ESAM: variants seen among roughly 807,000 people sequenced by gnomAD.
ESAM encodes the protein endothelial cell adhesion molecule, also known as endothelial cell-selective adhesion molecule.
ESAM carries 23 observed loss-of-function variants against 31.8 expected under a neutral mutation model. The observed-to-expected ratio is 0.72, with a 90% CI of 0.52 to 1.03. The LOEUF (loss-of-function observed/expected upper bound fraction) is 1.03. Ranked by LOEUF, ESAM falls within the 50% of genes least tolerant of loss-of-function variation. The probability of loss-of-function intolerance (pLI) is 0.00; values close to 1 mark genes in which losing one functional copy is unlikely to be tolerated. For missense variants in ESAM, 478 were observed against 488.9 expected (o/e 0.98, Z 0.21); for synonymous variants, 216 against 207.2 (o/e 1.04, Z -0.37).
Position 124,754,259 on chromosome 11 carries a change from T to C in ESAM, c.812A>G (p.Tyr271Cys), listed in dbSNP as rs1348127827. 6.2e-7 allele frequency: 1 copy of C among 1,613,736 alleles called. No homozygotes were observed. Residue 271 changes from tyrosine (Y) to cysteine (C), a missense_variant, in exon 6 of 7, where the codon TAC becomes TGC. Coordinates refer to ENST00000278927, the MANE Select transcript of ESAM (RefSeq NM_138961.3). This position sits in a 1 kb window ranked among gnomAD's most constrained non-coding sequence, Gnocchi z 4.5. Reference sequence around the variant, plus strand: ...CTCCAGGGCCTTGCCCCGGCGGTGGTACAAGAGGACCAGCCCAGCCAGCAA... The same window carrying C: ...CTCCAGGGCCTTGCCCCGGCGGTGGCACAAGAGGACCAGCCCAGCCAGCAA... ...LGLLAGLVLL[Y>C]HRRGKALEEP...
chr11:124,758,668 G>A (rs1944187248), intron 1 of ESAM, 141 bp from the exon 2 acceptor site: 1 of 948,902 alleles, frequency 1.1e-6, no homozygotes, highest in Admixed American at 3.1e-5. Context: ...GCCCCTGGAG[G>A]CCTCAAGGGG....
chr11:124,753,607 A>C lies in ESAM; in HGVS notation c.*39T>G. The C allele has an allele frequency of 6.2e-7, 1 of 1,609,804 alleles. No homozygotes were observed. Among genetic ancestry groups the C allele is most frequent in the African/African-American group, 1.3e-5 (1 of 75,040 alleles). ...GCTAGAGGTGACCCTTATAGGAAGG[A>C]GAGACCCCAAATCCTTTAGCCAATG... On this transcript the variant is annotated 3_prime_UTR_variant, in exon 7 of 7. Coordinates refer to ENST00000278927, the MANE Select transcript of ESAM (RefSeq NM_138961.3).
chr11:124,760,913 G>C (rs1944221588), intron 1 of ESAM, among the ~76,000 whole-genome samples: 1 of 152,176 alleles, frequency 6.6e-6, no homozygotes. Context: ...AGGGATCCTG[G>C]AGCAGGCCCA....
chr11:124,753,545 C>T lies in ESAM; in HGVS notation c.*101G>A. On this transcript the variant is annotated 3_prime_UTR_variant, in exon 7 of 7. Transcript: ENST00000278927. ...GAGGTGGGGGCAGAGTACTAAGGGTCAGGAGTGTGACTCTTTCCCATGACT... is the reference window on the plus strand; with the variant it reads ...GAGGTGGGGGCAGAGTACTAAGGGTTAGGAGTGTGACTCTTTCCCATGACT... 2 of 1,320,814 alleles carry T rather than the reference C, an allele frequency of 1.5e-6. No individual in the cohort carries two copies. The highest frequency in any genetic ancestry group is 2.6e-5 in the South Asian group (2 of 76,722). 81.8% of individuals were successfully genotyped at this position (1,320,814 alleles called of 1,614,324 possible).
chr11:124,756,548 A>G lies in ESAM; in HGVS notation c.444T>C (p.Asn148=), dbSNP rs747454072. The G allele has an allele frequency of 2.5e-6, 4 of 1,613,810 alleles. No individual in the cohort carries two copies. The highest frequency in any genetic ancestry group is 3.4e-6 in the Non-Finnish European group (4 of 1,180,002). Reference sequence around the variant, plus strand: ...AATCTGCTTCTCACTCACCCAGTACATTGAGTTCTAAGGTTTTGATGCTGT... The same window carrying G: ...AATCTGCTTCTCACTCACCCAGTACGTTGAGTTCTAAGGTTTTGATGCTGT... ...RGHSIKTLEL[N]VLVPPAPPSC... Residue 148 remains asparagine, a synonymous_variant, in exon 3 of 7, where the codon AAT becomes AAC. Transcript: ENST00000278927.
chr11:124,756,430 C>A, intron 3 of ESAM, 68 bp from the exon 4 acceptor site: 1 of 1,579,408 alleles, frequency 6.3e-7, no homozygotes, highest in Non-Finnish European at 8.6e-7. Context: ...CTGCCCTGCA[C>A]CCTTCTGTCG....
chr11:124,754,510 A>G lies in ESAM; in HGVS notation c.730+131T>C. The stretch of plus-strand genomic sequence containing the variant: ...GACCAGTCACTGACCAACCATTTGT[A>G]CAAACATTTGATCAGGGGAAGCTCC... On this transcript the variant is annotated intron_variant, in intron 5 of 6. Transcript: ENST00000278927. This position sits in a 1 kb window ranked among gnomAD's most constrained non-coding sequence, Gnocchi z 4.5. 1.3e-6 allele frequency: 2 copies of G among 1,508,392 alleles called. No homozygotes were observed. The highest frequency in any genetic ancestry group is 2.3e-5 in the East Asian group (1 of 43,976). The allele number at this position is 1,508,392 out of a possible 1,614,324, so 93.4% of individuals were successfully genotyped here.
At chr11:124,760,491 G>T (rs1944215272) in intron 1 of ESAM, among the ~76,000 whole-genome samples, 1 of 152,218 alleles carries the variant, frequency 6.6e-6, no homozygotes, top group African/African-American at 2.4e-5. Context: ...GGCTTCTCAC[G>T]CCCCAGGGGC....
rs5795429 is a variant in ESAM at position 124,757,693 on chromosome 11, CTTTTTTTT to C, written c.249+648_249+655del. Among the ~76,000 whole-genome samples, 6 of 125,002 alleles carry C rather than the reference CTTTTTTTT, an allele frequency of 4.8e-5. No homozygotes were observed. The East Asian group carries it at 1.4e-3, about 29-fold the overall frequency. 82.0% of individuals were successfully genotyped at this position (125,002 alleles called of 152,430 possible). A position where few individuals can be genotyped will look rare whatever the true frequency, so the allele number is the denominator to read the frequency against. On this transcript the variant is annotated intron_variant, in intron 2 of 6. Coordinates refer to ENST00000278927, the MANE Select transcript of ESAM (RefSeq NM_138961.3). ...GAATGTGAAAACAGAAATATGCTAA[CTTTTTTTT>C]TTTTTTTTTTTTTTGAGACAGAGTC...
intron 1 of ESAM, 53 bp from the exon 2 acceptor site, chr11:124,758,580 G>A: frequency 6.9e-7 from 1 of 1,451,808 alleles, no homozygotes; most frequent in Non-Finnish European, 9.1e-7. Context: ...AGCTCCGCCC[G>A]CGGACCCTGC....
In ESAM at chr11:124,754,662, C is replaced by T. The variant is rs1178148036; in HGVS notation, c.709G>A (p.Val237Met). 23 of 1,613,590 alleles carry T rather than the reference C, an allele frequency of 1.4e-5. No individual in the cohort carries two copies. Among genetic ancestry groups the T allele is most frequent in the Non-Finnish European group, 1.6e-5 (19 of 1,179,918 alleles). Reference sequence around the variant, plus strand: ...TGACCTGTGCTCACTTCCAGCGTCACATTACATTGGGCAGTGCCCACCTCA... The same window carrying T: ...TGACCTGTGCTCACTTCCAGCGTCATATTACATTGGGCAGTGCCCACCTCA... ...HNEVGTAQCN[V>M]TLEVSTGPGA... is the part of the protein sequence containing the mutation. Residue 237 changes from valine (V) to methionine (M), a missense_variant, in exon 5 of 7, where the codon GTG (valine) becomes ATG (methionine). Transcript: ENST00000278927. This position sits in a 1 kb window ranked among gnomAD's most constrained non-coding sequence, Gnocchi z 4.5.
intron 3 of ESAM, 55 bp downstream of exon 3, chr11:124,756,486 C>T (rs1385953900): frequency 3.1e-6 from 5 of 1,602,820 alleles, no homozygotes; most frequent in Non-Finnish European, 4.3e-6. Flanking sequence ...GAGAGAGACT[C>T]ACCAGACCTC....
chr11:124,753,640 G>C lies in ESAM; in HGVS notation c.*6C>G. On this transcript the variant is annotated 3_prime_UTR_variant, in exon 7 of 7. Coordinates refer to ENST00000278927, the MANE Select transcript of ESAM (RefSeq NM_138961.3). Reference sequence around the variant, plus strand: ...CAAATCCTTTAGCCAATGAGTGGTGGGGTCATCATACCAGAGAGCCAGCTT... The same window carrying C: ...CAAATCCTTTAGCCAATGAGTGGTGCGGTCATCATACCAGAGAGCCAGCTT... The C allele has an allele frequency of 6.2e-7, 1 of 1,613,356 alleles. No homozygotes were observed. The highest frequency in any genetic ancestry group is 8.5e-7 in the Non-Finnish European group (1 of 1,180,032).
At position 124,756,539 on chromosome 11, in the gene ESAM, AC is replaced by A; in HGVS notation, c.451+1del. The A allele has an allele frequency of 6.2e-7, 1 of 1,613,616 alleles. No homozygotes were observed. Among genetic ancestry groups the A allele is most frequent in the Non-Finnish European group, 8.5e-7 (1 of 1,179,884 alleles). ...GGGTCCGGAAATCTGCTTCTCACTC[AC>A]CCAGTACATTGAGTTCTAAGGTTTT... On this transcript the variant is annotated splice_donor_variant, in intron 3 of 6. Coordinates refer to ENST00000278927, the MANE Select transcript of ESAM (RefSeq NM_138961.3). LOFTEE classifies it high-confidence loss of function.
rs750322401 is a variant in ESAM at position 124,756,228 on chromosome 11, T to A, written c.586A>T (p.Thr196Ser). The A allele has an allele frequency of 6.2e-7, 1 of 1,613,952 alleles. No individual in the cohort carries two copies. The highest frequency in any genetic ancestry group is 8.5e-7 in the Non-Finnish European group (1 of 1,180,020). Residue 196 changes from threonine (T) to serine (S), a missense_variant, in exon 4 of 7, where the codon ACT (threonine) becomes TCT (serine). By Grantham distance (58) the Thr-to-Ser change is moderately conservative. Transcript: ENST00000278927. ...TCACCTAATGCTGGTGCAAAGAAAG[T>A]CTGGAAGGATGGAAGCTGCCGATCC... ...QWDRQLPSFQ[T>S]FFAPALDVIR...
rs574475980 is a variant in ESAM at position 124,762,116 on chromosome 11, C to T, written c.39G>A (p.Leu13=). 6.2e-7 allele frequency: 1 copy of T among 1,609,368 alleles called. No individual in the cohort carries two copies. The highest frequency in any genetic ancestry group is 8.5e-7 in the Non-Finnish European group (1 of 1,177,754). The change falls in exon 1 of 7, where the codon CTG becomes CTA. Residue 13 remains leucine, a synonymous_variant. Transcript: ENST00000278927. This position sits in a 1 kb window ranked among gnomAD's most constrained non-coding sequence, Gnocchi z 6.4. ...CACTCAGCCCCAGGAACAAAAACCG[C>T]AGCAAGTTGGTCACCAGGGGCCCCG... The part of the protein sequence containing the change: ...SLPGPLVTNL[L]RFLFLGLSAL...
Position 124,754,807 on chromosome 11 carries a change from A to AT in ESAM, c.608-45dup, listed in dbSNP as rs371143215. The AT allele has an allele frequency of 6.5e-6, 10 of 1,528,612 alleles. No homozygotes were observed. Among genetic ancestry groups the AT allele is most frequent in the Non-Finnish European group, 7.9e-6 (9 of 1,143,338 alleles). 94.7% of individuals were successfully genotyped at this position (1,528,612 alleles called of 1,614,324 possible). ...CATCAGTCCAGGGACCCTCTTTCCC[A>AT]TTAAAAAAAAAAAAAAATCTTGTCC... is the stretch of plus-strand genomic sequence containing the variant. On this transcript the variant is annotated intron_variant, in intron 4 of 6. Transcript: ENST00000278927. The surrounding 1 kb of genome is among the most constrained non-coding windows in gnomAD (Gnocchi z 4.5).
chr11:124,762,250 A>G lies in ESAM; in HGVS notation c.-96T>C, dbSNP rs895974042. On this transcript the variant is annotated 5_prime_UTR_variant, in exon 1 of 7. Transcript: ENST00000278927. This position sits in a 1 kb window ranked among gnomAD's most constrained non-coding sequence, Gnocchi z 6.4. ...GCGCGACGGCCGGAGCGTGCGCGGGAGCCGAGCCGCTGACACCCAGGGCGG... is the reference window on the plus strand; with the variant it reads ...GCGCGACGGCCGGAGCGTGCGCGGGGGCCGAGCCGCTGACACCCAGGGCGG... 2.6e-5 allele frequency: 26 copies of G among 1,006,436 alleles called. No individual in the cohort carries two copies. The highest frequency in any genetic ancestry group is 3.4e-5 in the Non-Finnish European group (24 of 712,160). 62.3% of individuals were successfully genotyped at this position (1,006,436 alleles called of 1,614,324 possible). A position where few individuals can be genotyped will look rare whatever the true frequency, so the allele number is the denominator to read the frequency against.
chr11:124,753,511 C>G lies in ESAM; in HGVS notation c.*135G>C. On this transcript the variant is annotated 3_prime_UTR_variant, in exon 7 of 7. Transcript: ENST00000278927. ...AGGTCTTACTGAGATGGTTTTCCCA[C>G]AGTAAAGAGAGGTGGGGGCAGAGTA... 1.1e-6 allele frequency: 1 copy of G among 923,862 alleles called. No homozygotes were observed. Among genetic ancestry groups the G allele is most frequent in the Non-Finnish European group, 1.6e-6 (1 of 625,398 alleles). The allele number at this position is 923,862 out of a possible 1,614,324, so 57.2% of individuals were successfully genotyped here.
Sources: allele counts gnomAD v4.1 joint callset (sites outside exome capture counted in the v4.1 genomes callset), GRCh38; gene constraint gnomAD v4.1.1; non-coding constraint Gnocchi (gnomAD v3.1); transcripts MANE v1.5; gene names NCBI Gene and HGNC (gene_info 2026-07-23, HGNC 2026-07-21).